The following CDH13 variants were observed in gnomAD, a reference collection of about 807,000 sequenced individuals.
CDH13 encodes the protein cadherin-13.
A neutral mutation model predicts 63.8 loss-of-function variants in CDH13; 24 were observed. That is an observed-to-expected ratio of 0.38 (90% confidence interval 0.27 to 0.53). The LOEUF (loss-of-function observed/expected upper bound fraction) is 0.53, where lower values mean the gene tolerates loss of function less well. Among genes scored for constraint, CDH13 ranks in the 20% least tolerant of loss-of-function variants. CDH13 has a pLI of 0.85. For synonymous variants in CDH13, 503 were observed against 355.3 expected (o/e 1.42, Z -4.67); for missense variants, 1,049 against 903.1 (o/e 1.16, Z -2.07).
Position 82,627,337 on chromosome 16 carries a change from C to CGTGCGTGTGTGTGTGTGTGTGT in CDH13, c.45+203_45+204insCGTGTGTGTGTGTGTGTGTGTG, listed in dbSNP as rs1555525839. ...ACACACAGGCTCCCACTCTGGCGTG[C>CGTGCGTGTGTGTGTGTGTGTGT]GTGTGTGTGTGTGTGTGTGTGTGTG... On this transcript the variant is annotated intron_variant, in intron 1 of 13. Coordinates refer to ENST00000567109, the MANE Select transcript of CDH13 (RefSeq NM_001257.5). Among the ~76,000 whole-genome samples, 630 of 131,228 alleles carry CGTGCGTGTGTGTGTGTGTGTGT rather than the reference C, an allele frequency of 4.8e-3. 10 individuals are homozygous for CGTGCGTGTGTGTGTGTGTGTGT. Among genetic ancestry groups the CGTGCGTGTGTGTGTGTGTGTGT allele is most frequent in the Non-Finnish European group, 7.6e-3 (462 of 61,034 alleles). 86.1% of individuals were successfully genotyped at this position (131,228 alleles called of 152,430 possible).
intron 7 of CDH13, among the ~76,000 whole-genome samples, chr16:83,487,670 C>T (rs2073921175): frequency 6.6e-6 from 1 of 152,194 alleles, no homozygotes; most frequent in South Asian, 2.1e-4. Context: ...CTGGAATTCC[C>T]TGCTCCTGAC....
At chr16:83,320,660 C>T (rs980181761) in intron 5 of CDH13, among the ~76,000 whole-genome samples, 2 of 152,114 alleles carry the variant, frequency 1.3e-5, no homozygotes, top group African/African-American at 4.8e-5. Flanking sequence ...TTGTTCAGAT[C>T]ATCAGTGCTG....
chr16:83,506,255 C>T (rs1168466528), intron 7 of CDH13, among the ~76,000 whole-genome samples: 2 of 152,138 alleles, frequency 1.3e-5, no homozygotes, highest in African/African-American at 4.8e-5. Flanking sequence ...TGTATCCTCT[C>T]AAAGATTTGG....
intron 6 of CDH13, among the ~76,000 whole-genome samples, chr16:83,382,701 C>T (rs945269832): frequency 6.6e-6 from 1 of 152,140 alleles, no homozygotes; most frequent in Non-Finnish European, 1.5e-5. Flanking sequence ...TTAAAAATAC[C>T]TTCTGCAACA....
chr16:82,805,744 G>A (rs1300525349), intron 1 of CDH13, among the ~76,000 whole-genome samples: 1 of 152,254 alleles, frequency 6.6e-6, no homozygotes, highest in East Asian at 1.9e-4. Context: ...GAATTCTTAG[G>A]AGCATCCAAG....
At chr16:83,136,633 G>A (rs1448537000) in intron 4 of CDH13, among the ~76,000 whole-genome samples, 5 of 152,138 alleles carry the variant, frequency 3.3e-5, no homozygotes, top group Non-Finnish European at 1.5e-5. Context: ...GGCTCTCATA[G>A]CTGTTCCTTC....
At chr16:83,586,322 G>GA (rs1906154745) in intron 7 of CDH13, among the ~76,000 whole-genome samples, 2 of 152,318 alleles carry the variant, frequency 1.3e-5, no homozygotes, top group South Asian at 4.1e-4. Flanking sequence ...GAGGGCGGTT[G>GA]AGTTCAGTTC....
intron 7 of CDH13, among the ~76,000 whole-genome samples, chr16:83,551,551 G>C (rs4510000): frequency 0.7 from 105,935 of 152,076 alleles, 37,723 homozygotes; most frequent in Non-Finnish European, 0.78. Context: ...TGTGTCTTAC[G>C]TTTCAAACAC....
intron 1 of CDH13, among the ~76,000 whole-genome samples, chr16:82,671,442 C>T (rs79874677): frequency 0.012 from 1,887 of 152,314 alleles, 46 homozygotes; most frequent in African/African-American, 0.043. Context: ...AGCAAAATCA[C>T]ATTTATACAC....
At chr16:83,455,719 G>C (rs1053095843) in intron 6 of CDH13, among the ~76,000 whole-genome samples, 9 of 152,122 alleles carry the variant, frequency 5.9e-5, no homozygotes, top group Non-Finnish European at 1.2e-4. Context: ...GGAGTGGGTG[G>C]ACACCTGGAC....
chr16:83,564,765 G>A (rs979570997), intron 7 of CDH13, among the ~76,000 whole-genome samples: 12 of 152,122 alleles, frequency 7.9e-5, no homozygotes, highest in Admixed American at 7.9e-4. Context: ...ATACATTCAG[G>A]GATCAGGGAT....
At chr16:82,766,890 A>G (rs1274354038) in intron 1 of CDH13, among the ~76,000 whole-genome samples, 2 of 152,124 alleles carry the variant, frequency 1.3e-5, no homozygotes, top group East Asian at 3.9e-4. Flanking sequence ...GTTTCATTAT[A>G]AAATTTTTTA....
At chr16:82,962,720 G>A (rs1227817497) in intron 2 of CDH13, among the ~76,000 whole-genome samples, 1 of 152,178 alleles carries the variant, frequency 6.6e-6, no homozygotes, top group Non-Finnish European at 1.5e-5. Flanking sequence ...TTTCATTTCT[G>A]AAAACTGGTT....
chr16:83,505,787 C>A (rs1057273982), intron 7 of CDH13, among the ~76,000 whole-genome samples: 1 of 152,078 alleles, frequency 6.6e-6, no homozygotes, highest in Non-Finnish European at 1.5e-5. Flanking sequence ...AGGTGATCCA[C>A]CTGCCTTGGC....
At chr16:83,626,581 T>A (rs2150786141) in intron 8 of CDH13, among the ~76,000 whole-genome samples, 1 of 152,204 alleles carries the variant, frequency 6.6e-6, no homozygotes, top group Middle Eastern at 3.4e-3. Flanking sequence ...CTTCCATTTT[T>A]TCTGTTTATC....
At chr16:83,052,517 C>A (rs546827971) in intron 3 of CDH13, among the ~76,000 whole-genome samples, 1 of 152,140 alleles carries the variant, frequency 6.6e-6, no homozygotes, top group African/African-American at 2.4e-5. Flanking sequence ...TGGTGGCTCA[C>A]GCCTGTAATC....
chr16:82,884,448 G>C (rs1007946185), intron 2 of CDH13: 1 of 293,192 alleles, frequency 3.4e-6, no homozygotes, highest in Non-Finnish European at 6.8e-6. Flanking sequence ...GTTAACAGCA[G>C]CAACCCAGTG....
At chr16:83,444,817 G>C (rs1318204736) in intron 6 of CDH13, among the ~76,000 whole-genome samples, 1 of 222 alleles carries the variant, frequency 4.5e-3, no homozygotes, top group Non-Finnish European at 0.026. Flanking sequence ...CTCATGGTTG[G>C]TTTTGCCTGA....
At chr16:82,668,119 G>C (rs1040593603) in intron 1 of CDH13, among the ~76,000 whole-genome samples, 4 of 152,030 alleles carry the variant, frequency 2.6e-5, no homozygotes, top group Non-Finnish European at 5.9e-5. Flanking sequence ...ACCTGCCTGG[G>C]GTACCAGTGA....
Sources: allele counts gnomAD v4.1 joint callset (sites outside exome capture counted in the v4.1 genomes callset), GRCh38; gene constraint gnomAD v4.1.1; transcripts MANE v1.5; gene names NCBI Gene and HGNC (gene_info 2026-07-23, HGNC 2026-07-21).